The following PLCB4 variants were observed in gnomAD, a reference collection of about 807,000 sequenced individuals.
The protein encoded by PLCB4 is phospholipase C beta 4, also known as 1-phosphatidylinositol 4,5-bisphosphate phosphodiesterase beta-4.
A neutral mutation model predicts 178.8 loss-of-function variants in PLCB4; 77 were observed. The observed-to-expected ratio is 0.43, with a 90% CI of 0.36 to 0.52. The LOEUF (loss-of-function observed/expected upper bound fraction) is 0.52. Ranked by LOEUF, PLCB4 falls within the 20% of genes least tolerant of loss-of-function variation. The probability of loss-of-function intolerance (pLI) is 0.00; values close to 1 mark genes in which losing one functional copy is unlikely to be tolerated. For synonymous variants in PLCB4, 496 were observed against 490.8 expected, an observed-to-expected ratio of 1.01 and a Z score of -0.14; for missense variants, 1,024 against 1,453.4, an observed-to-expected ratio of 0.70 and a Z score of 4.80.
chr20:9,115,457 T>C (rs1334889968), intron 2 of PLCB4, among the ~76,000 whole-genome samples: 2 of 151,854 alleles, frequency 1.3e-5, no homozygotes, highest in Non-Finnish European at 2.9e-5. Context: ...CTTTAAGTTT[T>C]AGGGTACATG....
chr20:9,231,538 AC>A (rs2093932398), intron 3 of PLCB4, among the ~76,000 whole-genome samples: 1 of 152,120 alleles, frequency 6.6e-6, no homozygotes, highest in African/African-American at 2.4e-5. Context: ...GTTATATAAA[AC>A]ATGATGTATA....
intron 30 of PLCB4, among the ~76,000 whole-genome samples, chr20:9,443,608 C>T (rs184621508): frequency 2.0e-5 from 3 of 152,266 alleles, no homozygotes; most frequent in East Asian, 3.9e-4. Context: ...GCCATTTGTA[C>T]TGAAGAGCTC....
chr20:9,456,521 T>C (rs1346984893), intron 33 of PLCB4, among the ~76,000 whole-genome samples: 1 of 152,204 alleles, frequency 6.6e-6, no homozygotes, highest in African/African-American at 2.4e-5. Flanking sequence ...TTCAAATAAA[T>C]ATTACAAGTG....
At chr20:9,363,133 A>C (rs1449321570) in intron 8 of PLCB4, among the ~76,000 whole-genome samples, 158 bp downstream of exon 8, 1 of 152,202 alleles carries the variant, frequency 6.6e-6, no homozygotes, top group African/African-American at 2.4e-5. Flanking sequence ...TGTACTCTTC[A>C]TACCACGTAG....
chr20:9,421,021 A>G (rs1016891832), intron 26 of PLCB4, among the ~76,000 whole-genome samples: 5 of 152,094 alleles, frequency 3.3e-5, no homozygotes, highest in African/African-American at 1.2e-4. Context: ...GAGGCCGTGG[A>G]CACTATTTGT....
At chr20:9,325,385 T>G (rs543855425) in intron 4 of PLCB4, among the ~76,000 whole-genome samples, 2 of 152,340 alleles carry the variant, frequency 1.3e-5, no homozygotes, top group African/African-American at 4.8e-5. Flanking sequence ...TTACTTTGAG[T>G]GACCACCCAC....
chr20:9,139,614 C>T (rs1447392421), intron 2 of PLCB4, among the ~76,000 whole-genome samples: 2 of 152,032 alleles, frequency 1.3e-5, no homozygotes, highest in South Asian at 2.1e-4. Context: ...TGACCACTCC[C>T]AGTGCATTCT....
intron 35 of PLCB4, 45 bp from the exon 36 acceptor site, chr20:9,468,526 T>G (rs1334202449): frequency 8.4e-7 from 1 of 1,183,436 alleles, no homozygotes; most frequent in Non-Finnish European, 1.3e-6. Context: ...AAACACAAAC[T>G]CTCCATCCCC....
intron 3 of PLCB4, among the ~76,000 whole-genome samples, chr20:9,248,768 G>T (rs2094150428): frequency 6.6e-6 from 1 of 152,124 alleles, no homozygotes; most frequent in African/African-American, 2.4e-5. Flanking sequence ...GTTCCTTTAT[G>T]AGGTTTTCTC....
At chr20:9,160,516 A>G (rs1463607658) in intron 2 of PLCB4, among the ~76,000 whole-genome samples, 1 of 152,200 alleles carries the variant, frequency 6.6e-6, no homozygotes, top group Non-Finnish European at 1.5e-5. Flanking sequence ...GGAAACCACA[A>G]CAAAATATGT....
At chr20:9,195,262 A>C (rs112866963) in intron 2 of PLCB4, among the ~76,000 whole-genome samples, 6 of 152,298 alleles carry the variant, frequency 3.9e-5, no homozygotes, top group African/African-American at 1.4e-4. Context: ...TAAAATGTAG[A>C]TTCTGCACGT....
At chr20:9,299,442 C>G (rs1336007930) in intron 3 of PLCB4, among the ~76,000 whole-genome samples, 1 of 151,764 alleles carries the variant, frequency 6.6e-6, no homozygotes, top group African/African-American at 2.4e-5. Flanking sequence ...TAGTTTTTCC[C>G]GTTGTAAAAC....
chr20:9,141,080 A>G (rs2092480540), intron 2 of PLCB4, among the ~76,000 whole-genome samples: 1 of 152,152 alleles, frequency 6.6e-6, no homozygotes, highest in Non-Finnish European at 1.5e-5. Context: ...ATGTAGCAAG[A>G]GTTCCTGCCC....
intron 32 of PLCB4, 144 bp downstream of exon 32, chr20:9,444,387 G>A (rs914196411): frequency 2.2e-4 from 129 of 587,300 alleles, no homozygotes; most frequent in African/African-American, 3.2e-4. Context: ...AAATAGAATC[G>A]GTTTGGGAGT....
intron 12 of PLCB4, among the ~76,000 whole-genome samples, chr20:9,375,220 T>G (rs1287982254): frequency 2.0e-5 from 3 of 152,138 alleles, no homozygotes; most frequent in Non-Finnish European, 4.4e-5. Flanking sequence ...TTGCACTCCC[T>G]CTTTTGAGTC....
intron 2 of PLCB4, among the ~76,000 whole-genome samples, chr20:9,173,198 C>T (rs759269178): frequency 1.6e-4 from 25 of 152,214 alleles, no homozygotes; most frequent in Non-Finnish European, 3.5e-4. Context: ...TTTATCCATC[C>T]TGTGTCCTTA....
chr20:9,090,272 T>C (rs1275936311), intron 1 of PLCB4, among the ~76,000 whole-genome samples: 3 of 148,124 alleles, frequency 2.0e-5, no homozygotes, highest in African/African-American at 7.4e-5. Flanking sequence ...GGGAAAGTAT[T>C]GAAATGATGC....
chr20:9,328,463 G>A (rs184475819), intron 4 of PLCB4, among the ~76,000 whole-genome samples: 7 of 152,282 alleles, frequency 4.6e-5, no homozygotes, highest in East Asian at 1.9e-4. Context: ...TAGGATTCAC[G>A]GGGAATCCAT....
intron 3 of PLCB4, among the ~76,000 whole-genome samples, chr20:9,231,948 C>T (rs1002477808): frequency 6.6e-6 from 1 of 152,118 alleles, no homozygotes; most frequent in African/African-American, 2.4e-5. Context: ...GTGTGCATGC[C>T]ATGGAGTACT....
Sources: allele counts gnomAD v4.1 joint callset (sites outside exome capture counted in the v4.1 genomes callset), GRCh38; gene constraint gnomAD v4.1.1; transcripts MANE v1.5; gene names NCBI Gene and HGNC (gene_info 2026-07-23, HGNC 2026-07-21).